NDST4: variants seen among roughly 807,000 people sequenced by gnomAD.
NDST4 encodes N-heparan sulfate sulfotransferase 4.
NDST4 carries 63 observed loss-of-function variants against 100.8 expected under a neutral mutation model. The ratio of observed to expected loss-of-function variants is 0.62; its 90% CI spans 0.51 to 0.77. The LOEUF (loss-of-function observed/expected upper bound fraction) is 0.77, where lower values mean the gene tolerates loss of function less well. Among genes scored for constraint, NDST4 ranks in the 30% least tolerant of loss-of-function variants. The pLI, the probability that NDST4 is intolerant of heterozygous loss-of-function variation, is 0.00. For missense variants in NDST4, 943 were observed against 1,018.4 expected, an observed-to-expected ratio of 0.93 and a Z score of 1.01; for synonymous variants, 377 against 361.8, an observed-to-expected ratio of 1.04 and a Z score of -0.48.
rs1165069283 is a variant in NDST4 at position 114,935,313 on chromosome 4, C to G, written c.1429G>C (p.Gly477Arg). 1 of 1,607,352 alleles carries G rather than the reference C, an allele frequency of 6.2e-7. No individual in the cohort carries two copies. The highest frequency in any genetic ancestry group is 8.5e-7 in the Non-Finnish European group (1 of 1,176,974). The change falls in exon 6 of 14, where the codon GGG becomes CGG. Residue 477 changes from glycine (G) to arginine (R), a missense_variant. Around this residue, in one of 2 missense-constraint regions of NDST4, gnomAD observed 526 missense variants for 634.1 expected, o/e 0.83. Coordinates refer to ENST00000264363, the MANE Select transcript of NDST4 (RefSeq NM_022569.3). ...TAGAAAATAGTGTGAGTGAACAACC[C>G]ACAAGTCTGTCGAGGGAGGACCTGA... The part of the protein sequence containing the change: ...SIMVLPRQTC[G>R]LFTHTIFYKE...
intron 2 of NDST4, among the ~76,000 whole-genome samples, chr4:115,052,407 C>T: frequency 6.6e-6 from 1 of 152,034 alleles, no homozygotes; most frequent in East Asian, 1.9e-4. Context: ...TTCACCTATC[C>T]ATTCATGTTA....
chr4:114,858,280 T>C (rs1723842034), intron 7 of NDST4, among the ~76,000 whole-genome samples: 1 of 152,208 alleles, frequency 6.6e-6, no homozygotes, highest in South Asian at 2.1e-4. Context: ...TTGACATGTA[T>C]TCCAAACATT....
rs373022075 is a variant in NDST4 at position 114,907,377 on chromosome 4, C to T, written c.1536+27829G>A. ...TAACCTCACTACATTTCAGTTTATC[C>T]GTCTATTTAAAAATACGGTAAATAA... On this transcript the variant is annotated intron_variant, in intron 6 of 13. Coordinates refer to ENST00000264363, the MANE Select transcript of NDST4 (RefSeq NM_022569.3). 7.9e-5 allele frequency among the ~76,000 whole-genome samples: 12 copies of T among 152,106 alleles called. No individual in the cohort carries two copies. The South Asian group carries it at 1.2e-3, about 16-fold the overall frequency.
intron 2 of NDST4, among the ~76,000 whole-genome samples, chr4:114,986,811 T>TA (rs1560845330): frequency 1.6e-5 from 2 of 121,536 alleles, no homozygotes; most frequent in African/African-American, 6.7e-5. Context: ...TATATATATA[T>TA]ATATATATAT....
chr4:114,862,251 A>G (rs144737734), intron 7 of NDST4, among the ~76,000 whole-genome samples: 247 of 152,278 alleles, frequency 1.6e-3, no homozygotes, highest in African/African-American at 5.6e-3. Flanking sequence ...ATAATCCCCA[A>G]TGCTGTCTTT....
intron 6 of NDST4, among the ~76,000 whole-genome samples, chr4:114,873,014 G>T (rs1724182924): frequency 6.6e-6 from 1 of 151,712 alleles, no homozygotes; most frequent in African/African-American, 2.4e-5. Context: ...TATCCTGGCA[G>T]CTGAAAGTTT....
At chr4:114,877,018 G>A (rs1724267919) in intron 6 of NDST4, among the ~76,000 whole-genome samples, 1 of 151,976 alleles carries the variant, frequency 6.6e-6, no homozygotes, top group South Asian at 2.1e-4. Context: ...CGGATTGCAC[G>A]CTTAATGATT....
chr4:115,085,492 T>C (rs920083993), intron 1 of NDST4, among the ~76,000 whole-genome samples: 2 of 152,152 alleles, frequency 1.3e-5, no homozygotes, highest in Non-Finnish European at 1.5e-5. Flanking sequence ...TCTCGAATTG[T>C]AGTTCTCATA....
At chr4:115,065,842 T>C (rs1052095467) in intron 2 of NDST4, among the ~76,000 whole-genome samples, 8 of 152,148 alleles carry the variant, frequency 5.3e-5, no homozygotes, top group African/African-American at 1.9e-4. Flanking sequence ...ATTTCTCATT[T>C]ACCTTGTAAT....
chr4:115,099,201 T>C (rs901933494), intron 1 of NDST4, among the ~76,000 whole-genome samples: 8 of 152,164 alleles, frequency 5.3e-5, no homozygotes, highest in African/African-American at 9.7e-5. Context: ...AATGTAAATG[T>C]AAAATACATA....
At chr4:114,850,803 A>C (rs1490498686) in intron 8 of NDST4, among the ~76,000 whole-genome samples, 1 of 152,126 alleles carries the variant, frequency 6.6e-6, no homozygotes, top group African/African-American at 2.4e-5. Context: ...CCCTATGAGA[A>C]TCCTCTTTTT....
rs145264258 is a variant in NDST4, at chr4:114,860,838, A to T, written c.1720-8017T>A. On this transcript the variant is annotated intron_variant, in intron 7 of 13. Transcript: ENST00000264363. Reference sequence around the variant, plus strand: ...GGAGCTTGTGCAAGAATGTGAATCAATGCATTGCTTGTTTCAAAAAGAACA... The same window carrying T: ...GGAGCTTGTGCAAGAATGTGAATCATTGCATTGCTTGTTTCAAAAAGAACA... Among the ~76,000 whole-genome samples the T allele has an allele frequency of 2.1e-3, 316 of 152,366 alleles. 4 individuals are homozygous for T. Among genetic ancestry groups the T allele is most frequent in the Non-Finnish European group, 2.8e-4 (19 of 68,040 alleles).
At chr4:115,090,077 T>A (rs1312950528) in intron 1 of NDST4, among the ~76,000 whole-genome samples, 1 of 151,906 alleles carries the variant, frequency 6.6e-6, no homozygotes, top group Non-Finnish European at 1.5e-5. Context: ...TGATTATTTT[T>A]AAATACAATG....
At chr4:115,007,319 A>G (rs552093215) in intron 2 of NDST4, among the ~76,000 whole-genome samples, 5 of 152,300 alleles carry the variant, frequency 3.3e-5, no homozygotes, top group African/African-American at 1.2e-4. Flanking sequence ...AAATGGTGAC[A>G]AAATGTGCTT....
chr4:115,051,264 A>G (rs922151844), intron 2 of NDST4, among the ~76,000 whole-genome samples: 1 of 152,150 alleles, frequency 6.6e-6, no homozygotes, highest in African/African-American at 2.4e-5. Flanking sequence ...CATATAAAGG[A>G]TAAACATCTG....
At chr4:115,028,569 A>G (rs1447351812) in intron 2 of NDST4, among the ~76,000 whole-genome samples, 2 of 136,882 alleles carry the variant, frequency 1.5e-5, no homozygotes, top group Non-Finnish European at 3.0e-5. Context: ...AGAATACCAA[A>G]AAAAAAAAAA....
chr4:114,937,637 G>A, intron 4 of NDST4, 134 bp from the exon 5 acceptor site: 1 of 686,430 alleles, frequency 1.5e-6, no homozygotes, highest in Non-Finnish European at 2.3e-6. Context: ...GCAAGGTAGA[G>A]GTTTTATCTT....
At chr4:114,986,656 G>C (rs1726907822) in intron 2 of NDST4, among the ~76,000 whole-genome samples, 1 of 151,316 alleles carries the variant, frequency 6.6e-6, no homozygotes, top group Non-Finnish European at 1.5e-5. Flanking sequence ...ATGCTCTACT[G>C]AATTGATTGA....
intron 1 of NDST4, among the ~76,000 whole-genome samples, chr4:115,109,207 G>A (rs1411860192): frequency 1.3e-5 from 2 of 151,822 alleles, no homozygotes; most frequent in African/African-American, 4.8e-5. Flanking sequence ...AAGAGATTAA[G>A]GAAGCATTTC....
Sources: gnomAD v4.1 joint callset for allele counts (sites outside exome capture counted in the v4.1 genomes callset) on GRCh38, gnomAD v4.1.1 for gene constraint, gnomAD v4.1.1 regional missense constraint, MANE v1.5 for transcripts, NCBI Gene and HGNC (gene_info 2026-07-23, HGNC 2026-07-21) for gene names.